The following CMTM6 variants were observed in gnomAD, a reference collection of about 807,000 sequenced individuals.
CMTM6 encodes CKLF like MARVEL transmembrane domain containing 6.
A neutral mutation model predicts 13.6 loss-of-function variants in CMTM6; 5 were observed. The observed-to-expected ratio is 0.37, with a 90% CI of 0.19 to 0.77. CMTM6 has a LOEUF of 0.77. Ranked by LOEUF, CMTM6 falls within the 30% of genes least tolerant of loss-of-function variation. The probability of loss-of-function intolerance (pLI) is 0.50; values close to 1 mark genes in which losing one functional copy is unlikely to be tolerated. For missense variants in CMTM6, 196 were observed against 218.6 expected (o/e 0.90, Z 0.65); for synonymous variants, 99 against 84.5 (o/e 1.17, Z -0.94).
Position 32,502,797 on chromosome 3 carries a change from C to T in CMTM6, c.-52G>A. The T allele has an allele frequency of 7.2e-7, 1 of 1,389,192 alleles. No individual in the cohort carries two copies. Among genetic ancestry groups the T allele is most frequent in the South Asian group, 1.5e-5 (1 of 64,532 alleles). 86.1% of individuals were successfully genotyped at this position (1,389,192 alleles called of 1,614,324 possible). ...CGCAGCAACCGCGCCGTTGACTTCTCGGACTCCAGAAGTCCCCGGTAGCCG... is the reference window on the plus strand; with the variant it reads ...CGCAGCAACCGCGCCGTTGACTTCTTGGACTCCAGAAGTCCCCGGTAGCCG... On this transcript the variant is annotated 5_prime_UTR_variant, in exon 1 of 4. Transcript: ENST00000205636.
rs1697154585 is a variant in CMTM6, at chr3:32,481,650, T to C, written c.*2310A>G. The C allele has an allele frequency of 6.6e-6, 1 of 152,224 alleles. No homozygotes were observed. The highest frequency in any genetic ancestry group is 2.4e-5 in the African/African-American group (1 of 41,454). The allele number at this position is 152,224 out of a possible 1,614,324, so 9.4% of individuals were successfully genotyped here. A position where few individuals can be genotyped will look rare whatever the true frequency, so the allele number is the denominator to read the frequency against. ...ATAACAGTGGTTTCTGGTCCCAAGT[T>C]CCCCTTGAACTTATTTACTACAATG... On this transcript the variant is annotated 3_prime_UTR_variant, in exon 4 of 4. Coordinates refer to ENST00000205636, the MANE Select transcript of CMTM6 (RefSeq NM_017801.3).
intron 2 of CMTM6, 115 bp from the exon 3 acceptor site, chr3:32,488,151 A>G: frequency 1.5e-6 from 1 of 686,230 alleles, no homozygotes; most frequent in Non-Finnish European, 2.5e-6. Flanking sequence ...TCTTGATACA[A>G]CCCAAACTTA....
At chr3:32,491,579 G>T in intron 2 of CMTM6, 131 bp downstream of exon 2, 1 of 727,760 alleles carries the variant, frequency 1.4e-6, no homozygotes, top group Non-Finnish European at 2.1e-6. Context: ...CTTAGAAGCA[G>T]AGCGAGTTGG....
chr3:32,495,806 C>G (rs1697284894), intron 1 of CMTM6, among the ~76,000 whole-genome samples: 1 of 152,194 alleles, frequency 6.6e-6, no homozygotes, highest in Non-Finnish European at 1.5e-5. Flanking sequence ...GGTGGCATTC[C>G]TACTGACCTT....
In CMTM6 at chr3:32,502,681, CG is replaced by C; in HGVS notation, c.64del (p.Arg22GlyfsTer53). On this transcript the variant is annotated frameshift_variant, in exon 1 of 4. Coordinates refer to ENST00000205636, the MANE Select transcript of CMTM6 (RefSeq NM_017801.3). LOFTEE classifies it high-confidence loss of function. ...GAAAAAGTAGGCAGCGAGGCCGCTC[CG>C]GGGGCCTCTGGCGGGGCCCGGGTCC... is the stretch of plus-strand genomic sequence containing the variant. ...EEDPGPARGPRSGLAAYFFMG... is the reference protein window; with the variant it reads ...EEDPGPARGPXSGLAAYFFMG... 1 of 1,588,660 alleles carries C rather than the reference CG, an allele frequency of 6.3e-7. No homozygotes were observed. The highest frequency in any genetic ancestry group is 8.5e-7 in the Non-Finnish European group (1 of 1,169,642).
intron 3 of CMTM6, among the ~76,000 whole-genome samples, chr3:32,484,522 A>C (rs2125655219): frequency 6.6e-6 from 1 of 152,372 alleles, no homozygotes; most frequent in African/African-American, 2.4e-5. Context: ...AGTTATTAAT[A>C]TCAAAACAGA....
intron 1 of CMTM6, among the ~76,000 whole-genome samples, chr3:32,499,321 G>GT (rs1190155095): frequency 2.0e-5 from 3 of 152,078 alleles, no homozygotes; most frequent in Non-Finnish European, 4.4e-5. Flanking sequence ...TACTTATAGG[G>GT]TAACATTATT....
chr3:32,490,448 T>C (rs191239308), intron 2 of CMTM6, among the ~76,000 whole-genome samples: 40 of 152,272 alleles, frequency 2.6e-4, no homozygotes, highest in Admixed American at 5.2e-4. Flanking sequence ...ATATGTTCTA[T>C]GATTACAAAT....
chr3:32,492,445 G>T (rs1332890780), intron 1 of CMTM6, among the ~76,000 whole-genome samples: 1 of 152,156 alleles, frequency 6.6e-6, no homozygotes, highest in African/African-American at 2.4e-5. Context: ...GGCTAGAGAG[G>T]TAAGCTGAGG....
intron 3 of CMTM6, among the ~76,000 whole-genome samples, chr3:32,487,200 AGTT>A (rs1349147955): frequency 6.6e-6 from 1 of 152,168 alleles, no homozygotes; most frequent in African/African-American, 2.4e-5. Context: ...CAGACATACA[AGTT>A]TTAAAAAAGA....
At chr3:32,497,546 T>C (rs1233122735) in intron 1 of CMTM6, among the ~76,000 whole-genome samples, 1 of 149,130 alleles carries the variant, frequency 6.7e-6, no homozygotes, top group East Asian at 2.0e-4. Flanking sequence ...GCAGACACTT[T>C]CTTGTATTAA....
chr3:32,489,485 T>C (rs957270809), intron 2 of CMTM6, among the ~76,000 whole-genome samples: 3 of 151,842 alleles, frequency 2.0e-5, no homozygotes, highest in African/African-American at 7.3e-5. Context: ...ACCCTATCTC[T>C]ATTAAAAATA....
At chr3:32,487,784 T>C in intron 3 of CMTM6, 154 bp downstream of exon 3, 1 of 521,274 alleles carries the variant, frequency 1.9e-6, no homozygotes, top group East Asian at 2.9e-5. Context: ...GCTATCATAT[T>C]GATTTGCTTG....
At chr3:32,485,021 G>A (rs571740646) in intron 3 of CMTM6, among the ~76,000 whole-genome samples, 3 of 150,072 alleles carry the variant, frequency 2.0e-5, no homozygotes, top group African/African-American at 2.5e-5. Context: ...AATTATCAAC[G>A]CCTCCCACCC....
In CMTM6 at chr3:32,502,751, C is replaced by A; in HGVS notation, c.-6G>T. The A allele has an allele frequency of 7.0e-7, 1 of 1,435,650 alleles. No individual in the cohort carries two copies. Among genetic ancestry groups the A allele is most frequent in the East Asian group, 2.9e-5 (1 of 34,782 alleles). The allele number at this position is 1,435,650 out of a possible 1,614,324, so 88.9% of individuals were successfully genotyped here. A position where few individuals can be genotyped will look rare whatever the true frequency, so the allele number is the denominator to read the frequency against. On this transcript the variant is annotated 5_prime_UTR_variant, in exon 1 of 4. Coordinates refer to ENST00000205636, the MANE Select transcript of CMTM6 (RefSeq NM_017801.3). ...TACACCGCTCCGTTCTCCATCGCCT[C>A]GGGCCGGGGAGCGCGGCGGCCGCAG... is the stretch of plus-strand genomic sequence containing the variant.
intron 1 of CMTM6, 71 bp downstream of exon 1, chr3:32,502,537 C>T (rs1055883271): frequency 2.6e-6 from 4 of 1,527,068 alleles, no homozygotes; most frequent in Non-Finnish European, 3.5e-6. Flanking sequence ...CGAAGGAGCT[C>T]GGCGGCCTCC....
rs117325807 is a variant in CMTM6, at chr3:32,496,979, G to A, written c.139-5093C>T. Among the ~76,000 whole-genome samples the A allele has an allele frequency of 3.6e-4, 55 of 152,266 alleles. No homozygotes were observed. In the East Asian group the frequency reaches 9.8e-3, roughly 27 times the overall value. On this transcript the variant is annotated intron_variant, in intron 1 of 3. Transcript: ENST00000205636. The stretch of plus-strand genomic sequence containing the variant: ...GTCTGGTTTAGTAGGTTAGAAAACA[G>A]GAGGAACAGAGGATTGGGTGGGGCC...
At chr3:32,502,579 G>C (rs773505998) in intron 1 of CMTM6, 29 bp downstream of exon 1, 1 of 1,576,258 alleles carries the variant, frequency 6.3e-7, no homozygotes, top group Admixed American at 1.8e-5. Flanking sequence ...TCCCCAGCCC[G>C]GGCTCGCCCT....
intron 2 of CMTM6, among the ~76,000 whole-genome samples, chr3:32,489,628 G>A (rs1380625766): frequency 1.3e-5 from 2 of 151,532 alleles, no homozygotes; most frequent in Non-Finnish European, 2.9e-5. Context: ...CTCCAGCCTG[G>A]GTGACAAGAA....
Sources: allele counts gnomAD v4.1 joint callset (sites outside exome capture counted in the v4.1 genomes callset), GRCh38; gene constraint gnomAD v4.1.1; transcripts MANE v1.5; gene names NCBI Gene and HGNC (gene_info 2026-07-23, HGNC 2026-07-21).